Variants in MSRB2 observed in about 807,000 individuals in gnomAD.
MSRB2 encodes methionine-R-sulfoxide reductase B2, mitochondrial.
MSRB2 carries 17 observed loss-of-function variants against 19.0 expected under a neutral mutation model. The observed-to-expected ratio is 0.89, with a 90% CI of 0.61 to 1.34. The LOEUF (loss-of-function observed/expected upper bound fraction) is 1.34, where lower values mean the gene tolerates loss of function less well. MSRB2 is among the 40% of genes most tolerant of loss of function. The pLI, the probability that MSRB2 is intolerant of heterozygous loss-of-function variation, is 0.00. For synonymous variants in MSRB2, 107 were observed against 99.7 expected, an observed-to-expected ratio of 1.07 and a Z score of -0.44; for missense variants, 208 against 237.6, an observed-to-expected ratio of 0.88 and a Z score of 0.82.
Position 23,104,237 on chromosome 10 carries a change from C to G in MSRB2, c.212C>G (p.Thr71Arg), listed in dbSNP as rs375428530. The change falls in exon 2 of 5, where the codon ACG becomes AGG. Residue 71 changes from threonine (T) to arginine (R), a missense_variant. Transcript: ENST00000376510. ...TTCTACGTCACAAGAGAAAAGGGAA[C>G]GGAACCGGTAAGCTAAGCTGGTTTA... ...EQFYVTREKG[T>R]EPPFSGIYLN... is the part of the protein sequence containing the mutation. 5 of 1,612,376 alleles carry G rather than the reference C, an allele frequency of 3.1e-6. No homozygotes were observed. The highest frequency in any genetic ancestry group is 8.5e-7 in the Non-Finnish European group (1 of 1,179,344).
At chr10:23,113,201 T>C (rs1359036405) in intron 3 of MSRB2, among the ~76,000 whole-genome samples, 2 of 152,192 alleles carry the variant, frequency 1.3e-5, no homozygotes, top group African/African-American at 4.8e-5. Context: ...GTAGTTCTTT[T>C]AACAAGTAAA....
chr10:23,098,657 C>G (rs188566917), intron 1 of MSRB2, among the ~76,000 whole-genome samples: 1 of 152,334 alleles, frequency 6.6e-6, no homozygotes, highest in Non-Finnish European at 1.5e-5. Flanking sequence ...TGAAACCTCT[C>G]TCTAGCCACG....
chr10:23,098,999 CTT>C (rs1156863044), intron 1 of MSRB2, among the ~76,000 whole-genome samples: 4 of 152,176 alleles, frequency 2.6e-5, no homozygotes. Context: ...CCCAGGCGGC[CTT>C]TTCTCTGCTG....
chr10:23,096,906 T>A (rs929406317), intron 1 of MSRB2, among the ~76,000 whole-genome samples: 2 of 152,184 alleles, frequency 1.3e-5, no homozygotes, highest in South Asian at 2.1e-4. Flanking sequence ...GGTAACTACT[T>A]CATGGCTGTA....
chr10:23,111,575 G>T (rs1013724176), intron 3 of MSRB2, among the ~76,000 whole-genome samples: 1 of 152,118 alleles, frequency 6.6e-6, no homozygotes, highest in African/African-American at 2.4e-5. Context: ...AAAAGGGGGG[G>T]ACTTCTTCCC....
chr10:23,095,858 T>TC (rs55816790), intron 1 of MSRB2, 132 bp downstream of exon 1: 31,405 of 389,992 alleles, frequency 0.081, 1,459 homozygotes, highest in African/African-American at 0.27. Context: ...GGCGCGCCCC[T>TC]CCCCCCCCCC....
At position 23,121,050 on chromosome 10, in the gene MSRB2, T is replaced by A. The variant is rs1017235989; in HGVS notation, c.*188T>A. 7 of 492,706 alleles carry A rather than the reference T, an allele frequency of 1.4e-5. No homozygotes were observed. The Admixed American group carries it at 2.2e-4, about 16-fold the overall frequency. The allele number at this position is 492,706 out of a possible 1,614,324, so 30.5% of individuals were successfully genotyped here. On this transcript the variant is annotated 3_prime_UTR_variant, in exon 5 of 5. Coordinates refer to ENST00000376510, the MANE Select transcript of MSRB2 (RefSeq NM_012228.4). ...AATCCTGTGTGTTAGGCTGTTCTTG[T>A]GTTGCTATAAAGAAGTACCTGATCA...
chr10:23,112,746 C>T (rs1284312943), intron 3 of MSRB2, among the ~76,000 whole-genome samples: 1 of 152,044 alleles, frequency 6.6e-6, no homozygotes, highest in Non-Finnish European at 1.5e-5. Context: ...CCATGCCTGG[C>T]TAATTTTTTG....
chr10:23,113,548 C>T (rs1354737467), intron 3 of MSRB2, among the ~76,000 whole-genome samples: 1 of 152,142 alleles, frequency 6.6e-6, no homozygotes, highest in South Asian at 2.1e-4. Context: ...TTGGACAAGG[C>T]TCATGGAAGT....
At chr10:23,106,051 C>T (rs1014215926) in intron 2 of MSRB2, among the ~76,000 whole-genome samples, 15 of 152,190 alleles carry the variant, frequency 9.9e-5, no homozygotes, top group Non-Finnish European at 1.6e-4. Context: ...GGGCTTGGTA[C>T]ATAGACAGAC....
intron 2 of MSRB2, among the ~76,000 whole-genome samples, chr10:23,107,439 AT>A (rs1329913050): frequency 6.6e-6 from 1 of 152,198 alleles, no homozygotes; most frequent in Non-Finnish European, 1.5e-5. Flanking sequence ...TCCTCATTCA[AT>A]TAACTCTTAC....
In MSRB2 at chr10:23,098,996, G is replaced by A. The variant is rs555380501; in HGVS notation, c.118+3270G>A. ...CTGCCTTCTTGCTGTGTCCCCAGGC[G>A]GCCTTTTCTCTGCTGTCCCTTCCTC... On this transcript the variant is annotated intron_variant, in intron 1 of 4. Coordinates refer to ENST00000376510, the MANE Select transcript of MSRB2 (RefSeq NM_012228.4). 5.9e-5 allele frequency among the ~76,000 whole-genome samples: 9 copies of A among 152,194 alleles called. No individual in the cohort carries two copies. The East Asian group carries it at 1.5e-3, about 26-fold the overall frequency.
intron 2 of MSRB2, among the ~76,000 whole-genome samples, chr10:23,107,860 A>G (rs1470122504): frequency 6.6e-6 from 1 of 152,246 alleles, no homozygotes; most frequent in Admixed American, 6.5e-5. Context: ...GGACTTGTAT[A>G]AAATTGGAGA....
At chr10:23,118,004 AT>A (rs1437315502) in intron 3 of MSRB2, among the ~76,000 whole-genome samples, 1 of 152,242 alleles carries the variant, frequency 6.6e-6, no homozygotes, top group Non-Finnish European at 1.5e-5. Context: ...AAGATCTGAA[AT>A]CCGAAACACT....
chr10:23,108,075 A>C (rs1840004037), intron 2 of MSRB2, among the ~76,000 whole-genome samples: 1 of 151,302 alleles, frequency 6.6e-6, no homozygotes, highest in Non-Finnish European at 1.5e-5. Context: ...ATTCTGCCTC[A>C]GCCTCCCGAG....
intron 1 of MSRB2, among the ~76,000 whole-genome samples, chr10:23,095,973 C>G (rs1251509260): frequency 1.3e-5 from 2 of 151,382 alleles, no homozygotes; most frequent in Non-Finnish European, 2.9e-5. Flanking sequence ...CCTAAATGTG[C>G]GCATAATTTT....
At position 23,120,965 on chromosome 10, in the gene MSRB2, A is replaced by C; in HGVS notation, c.*103A>C. On this transcript the variant is annotated 3_prime_UTR_variant, in exon 5 of 5. Coordinates refer to ENST00000376510, the MANE Select transcript of MSRB2 (RefSeq NM_012228.4). Reference sequence around the variant, plus strand: ...TTTATTTGCAATAAAACTGGGCTGAATTTGCTGCTGTCTCCAGCGAGTCAT... The same window carrying C: ...TTTATTTGCAATAAAACTGGGCTGACTTTGCTGCTGTCTCCAGCGAGTCAT... 1 of 850,464 alleles carries C rather than the reference A, an allele frequency of 1.2e-6. No individual in the cohort carries two copies. The highest frequency in any genetic ancestry group is 1.9e-6 in the Non-Finnish European group (1 of 536,680). The allele number at this position is 850,464 out of a possible 1,614,324, so 52.7% of individuals were successfully genotyped here.
At chr10:23,116,389 T>G (rs1302991065) in intron 3 of MSRB2, among the ~76,000 whole-genome samples, 2 of 152,124 alleles carry the variant, frequency 1.3e-5, no homozygotes, top group Non-Finnish European at 2.9e-5. Context: ...GTTGGCTAAA[T>G]ATACCTATTT....
intron 3 of MSRB2, among the ~76,000 whole-genome samples, chr10:23,111,972 A>C (rs1013540888): frequency 3.3e-5 from 5 of 152,122 alleles, no homozygotes; most frequent in African/African-American, 7.2e-5. Context: ...TAAACTTAAA[A>C]GGCCACATGT....
Sources: allele counts gnomAD v4.1 joint callset (sites outside exome capture counted in the v4.1 genomes callset), GRCh38; gene constraint gnomAD v4.1.1; transcripts MANE v1.5; gene names NCBI Gene and HGNC (gene_info 2026-07-23, HGNC 2026-07-21).